CAPN11: variants seen among roughly 807,000 people sequenced by gnomAD.
CAPN11 encodes calpain 11, also known as calpain-11.
In CAPN11, 108 loss-of-function variants were observed where a neutral mutation model predicts 105.3. The observed-to-expected ratio is 1.03, with a 90% CI of 0.88 to 1.20. The LOEUF (loss-of-function observed/expected upper bound fraction) is 1.20, where lower values mean the gene tolerates loss of function less well. CAPN11 is among the 50% of genes most tolerant of loss of function. The pLI is 0.00. For synonymous variants in CAPN11, 329 were observed against 344.5 expected (o/e 0.96, Z 0.50); for missense variants, 883 against 924.8 (o/e 0.95, Z 0.59).
intron 1 of CAPN11, among the ~76,000 whole-genome samples, chr6:44,165,266 T>C (rs1169394855): frequency 1.3e-5 from 2 of 152,218 alleles, no homozygotes; most frequent in Non-Finnish European, 2.9e-5. Flanking sequence ...AAGGGGCCAG[T>C]TGGGGAATCA....
chr6:44,170,354 G>T (rs1463071695), intron 4 of CAPN11, among the ~76,000 whole-genome samples: 1 of 152,224 alleles, frequency 6.6e-6, no homozygotes, highest in Non-Finnish European at 1.5e-5. Context: ...GGAGGTTACA[G>T]TCAAGACGTC....
In CAPN11 at chr6:44,181,328, G is replaced by T; in HGVS notation, c.1938+8G>T. On this transcript the variant is annotated splice_region_variant and intron_variant, in intron 19 of 22. Coordinates refer to ENST00000398776, the MANE Select transcript of CAPN11 (RefSeq NM_007058.4). The stretch of plus-strand genomic sequence containing the variant: ...AAACTCAAGAAATGGATGGTAAAGG[G>T]CACTAAAGGGGCAGCCTCCAGGGGT... 4 of 1,612,506 alleles carry T rather than the reference G, an allele frequency of 2.5e-6. No homozygotes were observed. In the South Asian group the frequency reaches 3.3e-5, roughly 13 times the overall value.
chr6:44,180,425 C>T, intron 14 of CAPN11, 35 bp from the exon 15 acceptor site: 6 of 1,612,026 alleles, frequency 3.7e-6, no homozygotes, highest in Non-Finnish European at 5.1e-6. Flanking sequence ...CTCCCTCCCC[C>T]TGGTAACTCT....
intron 9 of CAPN11, 82 bp from the exon 10 acceptor site, chr6:44,176,499 A>G (rs1772041574): frequency 1.4e-6 from 2 of 1,390,764 alleles, no homozygotes; most frequent in Admixed American, 1.7e-5. Context: ...GCAGACATTC[A>G]GGGAAGAGGC....
rs796767681 is a variant in CAPN11, at chr6:44,181,824, CCACACA to C, written c.1938+514_1938+519del. On this transcript the variant is annotated intron_variant, in intron 19 of 22. Transcript: ENST00000398776. ...ACACTCACATACAGACACAACCACA[CCACACA>C]CACACACACTCACATACAGACACAA... Among the ~76,000 whole-genome samples, 3 of 13,946 alleles carry C rather than the reference CCACACA, an allele frequency of 2.2e-4. No homozygotes were observed. The African/African-American group carries it at 3.0e-3, about 14-fold the overall frequency. The allele number at this position is 13,946 out of a possible 152,430, so 9.1% of individuals were successfully genotyped here. A position where few individuals can be genotyped will look rare whatever the true frequency, so the allele number is the denominator to read the frequency against.
intron 19 of CAPN11, among the ~76,000 whole-genome samples, chr6:44,182,318 TACAG>T (rs1561855892): frequency 9.4e-6 from 1 of 106,786 alleles, no homozygotes; most frequent in African/African-American, 4.4e-5. Context: ...CACACTCACA[TACAG>T]ACACAACCAC....
In CAPN11 at chr6:44,173,327, C is replaced by A; in HGVS notation, c.772C>A (p.Leu258Met). 1 of 1,613,940 alleles carries A rather than the reference C, an allele frequency of 6.2e-7. No individual in the cohort carries two copies. The highest frequency in any genetic ancestry group is 1.1e-5 in the South Asian group (1 of 91,076). Reference protein sequence around the residue: ...SFQLQRPPQNLLRLLRKAVER... With the variant: ...SFQLQRPPQNMLRLLRKAVER... ...CCAACTCCAGAGGCCCCCTCAGAAC[C>A]TGCTCAGGCTCCTTAGGAAGGCCGT... The change falls in exon 7 of 23, where the codon CTG becomes ATG. Residue 258 changes from leucine to methionine, a missense_variant. Physicochemically the swap from Leu to Met is conservative, Grantham distance 15 (BLOSUM62 2). Coordinates refer to ENST00000398776, the MANE Select transcript of CAPN11 (RefSeq NM_007058.4).
rs188461841 is a variant in CAPN11 at position 44,161,609 on chromosome 6, C to T, written c.16+2745C>T. ...ACCCTGGGGACTGGGTATGCAGCTT[C>T]GAAGCAGGGTTTGGGGGCCAGACAG... On this transcript the variant is annotated intron_variant, in intron 1 of 22. Transcript: ENST00000398776. Among the ~76,000 whole-genome samples, 16 of 152,184 alleles carry T rather than the reference C, an allele frequency of 1.1e-4. 1 individual carries two copies. In the East Asian group the frequency reaches 1.4e-3, roughly 13 times the overall value.
intron 6 of CAPN11, 49 bp from the exon 7 acceptor site, chr6:44,173,169 C>T: frequency 6.2e-7 from 1 of 1,606,686 alleles, no homozygotes. Flanking sequence ...ATCCCTCCCT[C>T]CCCTCACCTC....
At chr6:44,181,749 CACACAT>C (rs1399561416) in intron 19 of CAPN11, among the ~76,000 whole-genome samples, 2 of 43,590 alleles carry the variant, frequency 4.6e-5, no homozygotes, top group East Asian at 2.6e-4. Flanking sequence ...CACTCACACA[CACACAT>C]ACACACTCAC....
Position 44,177,370 on chromosome 6 carries a change from G to A in CAPN11, c.1366G>A (p.Ala456Thr), listed in dbSNP as rs766731428. Residue 456 changes from alanine (A) to threonine (T), a missense_variant, in exon 12 of 23, where the codon GCA becomes ACA. Physicochemically the swap from Ala to Thr is moderately conservative, Grantham distance 58. Coordinates refer to ENST00000398776, the MANE Select transcript of CAPN11 (RefSeq NM_007058.4). Reference sequence around the variant, plus strand: ...CCTAATGCAGAAGAACTGGCGGCATGCACGGCAGCAGGGAGCCCAGCTGCA... The same window carrying A: ...CCTAATGCAGAAGAACTGGCGGCATACACGGCAGCAGGGAGCCCAGCTGCA... ...VALMQKNWRH[A>T]RQQGAQLQTI... 4.3e-6 allele frequency: 7 copies of A among 1,613,910 alleles called. 1 individual carries two copies. The East Asian group carries it at 1.6e-4, about 36-fold the overall frequency.
chr6:44,175,255 A>G (rs1270796906), intron 7 of CAPN11, among the ~76,000 whole-genome samples: 1 of 152,134 alleles, frequency 6.6e-6, no homozygotes, highest in African/African-American at 2.4e-5. Flanking sequence ...TGAGGAGGAC[A>G]GATTGCTTGA....
rs112066417 is a variant in CAPN11 at position 44,181,546 on chromosome 6, C to T, written c.1938+226C>T. On this transcript the variant is annotated intron_variant, in intron 19 of 22. Coordinates refer to ENST00000398776, the MANE Select transcript of CAPN11 (RefSeq NM_007058.4). ...CACAACCACACCACACTCACACACACACACACTCACATACAGACACAACCA... is the reference window on the plus strand; with the variant it reads ...CACAACCACACCACACTCACACACATACACACTCACATACAGACACAACCA... 9.4e-3 allele frequency among the ~76,000 whole-genome samples: 642 copies of T among 68,468 alleles called. 3 individuals are homozygous for T. Among genetic ancestry groups the T allele is most frequent in the African/African-American group, 0.024 (405 of 16,768 alleles). The allele number at this position is 68,468 out of a possible 152,430, so 44.9% of individuals were successfully genotyped here.
intron 14 of CAPN11, 140 bp from the exon 15 acceptor site, chr6:44,180,320 C>A: frequency 3.2e-6 from 3 of 930,536 alleles, no homozygotes; most frequent in Non-Finnish European, 3.3e-6. Flanking sequence ...AGTGGCAGAA[C>A]CAGAACTAGA....
intron 1 of CAPN11, among the ~76,000 whole-genome samples, chr6:44,162,395 AC>A (rs1769029047): frequency 6.7e-6 from 1 of 149,434 alleles, no homozygotes; most frequent in Admixed American, 7.0e-5. Context: ...ACACACACAC[AC>A]ACACACACAC....
intron 7 of CAPN11, among the ~76,000 whole-genome samples, chr6:44,174,782 GC>G (rs1410006191): frequency 1.3e-5 from 2 of 151,940 alleles, no homozygotes; most frequent in Non-Finnish European, 2.9e-5. Flanking sequence ...GCCATGCATG[GC>G]TAAGTTTTGT....
rs371515481 is a variant in CAPN11, at chr6:44,183,740, C to T, written c.2170C>T (p.His724Tyr). 34 of 1,613,854 alleles carry T rather than the reference C, an allele frequency of 2.1e-5. No individual in the cohort carries two copies. The highest frequency in any genetic ancestry group is 3.3e-4 in the Middle Eastern group (2 of 6,062). ...AACCATGGACCCCAAGAATACTGGC[C>T]ATATTTGCTTGAGCCTGGAACAGGT... is the stretch of plus-strand genomic sequence containing the variant. ...FLTMDPKNTG[H>Y]ICLSLEQWLQ... is the part of the protein sequence containing the mutation. The change falls in exon 22 of 23, where the codon CAT (histidine) becomes TAT (tyrosine). Residue 724 changes from histidine to tyrosine, a missense_variant. By Grantham distance (83) the His-to-Tyr change is moderately conservative. Transcript: ENST00000398776.
rs1177243760 is a variant in CAPN11, at chr6:44,183,778, G to A, written c.2193+15G>A. 1 of 1,613,092 alleles carries A rather than the reference G, an allele frequency of 6.2e-7. No individual in the cohort carries two copies. The highest frequency in any genetic ancestry group is 8.5e-7 in the Non-Finnish European group (1 of 1,179,372). ...GCCTGGAACAGGTACTTGGAGAAGG[G>A]TGGGAAGGAATCTGCAGGATTGCAC... On this transcript the variant is annotated intron_variant, in intron 22 of 22. Coordinates refer to ENST00000398776, the MANE Select transcript of CAPN11 (RefSeq NM_007058.4).
At chr6:44,160,366 C>G (rs1413358165) in intron 1 of CAPN11, among the ~76,000 whole-genome samples, 2 of 152,162 alleles carry the variant, frequency 1.3e-5, no homozygotes, top group Non-Finnish European at 2.9e-5. Context: ...GCCTGTAATC[C>G]CAGCACTTTG....
Sources: allele counts gnomAD v4.1 joint callset (sites outside exome capture counted in the v4.1 genomes callset), GRCh38; gene constraint gnomAD v4.1.1; transcripts MANE v1.5; gene names NCBI Gene and HGNC (gene_info 2026-07-23, HGNC 2026-07-21).